CYP2U1: variants seen among roughly 807,000 people sequenced by gnomAD.
The protein encoded by CYP2U1 is cytochrome P450 family 2 subfamily U member 1.
CYP2U1 carries 28 observed loss-of-function variants against 42.8 expected under a neutral mutation model. The observed-to-expected ratio is 0.65, with a 90% CI of 0.48 to 0.90. CYP2U1 has a LOEUF of 0.90. Ranked by LOEUF, CYP2U1 falls within the 40% of genes least tolerant of loss-of-function variation. CYP2U1 has a pLI of 0.00. For synonymous variants in CYP2U1, 296 were observed against 278.9 expected, an observed-to-expected ratio of 1.06 and a Z score of -0.61; for missense variants, 642 against 693.8, an observed-to-expected ratio of 0.93 and a Z score of 0.84.
At chr4:107,943,157 C>T (rs560021718) in intron 1 of CYP2U1, among the ~76,000 whole-genome samples, 1 of 152,306 alleles carries the variant, frequency 6.6e-6, no homozygotes, top group South Asian at 2.1e-4. Context: ...AGATACGTTT[C>T]AGCCTTCTGA....
At chr4:107,948,784 T>C (rs917888140) in intron 3 of CYP2U1, among the ~76,000 whole-genome samples, 2 of 152,168 alleles carry the variant, frequency 1.3e-5, no homozygotes, top group African/African-American at 4.8e-5. Flanking sequence ...AAGACAGTTA[T>C]AGCATGCCGT....
In CYP2U1 at chr4:107,945,536, G is replaced by C; in HGVS notation, c.1057G>C (p.Gly353Arg). Residue 353 changes from glycine to arginine, a missense_variant, in exon 2 of 5, where the codon GGG (glycine) becomes CGG (arginine). By Grantham distance (125) the Gly-to-Arg change is moderately radical (BLOSUM62 -2). Coordinates refer to ENST00000332884, the MANE Select transcript of CYP2U1 (RefSeq NM_183075.3). ...TATCATTGGGGATCTCTTTATTGCT[G>C]GGACTGATACCACAACTAACTCTTT... is the stretch of plus-strand genomic sequence containing the variant. ...FYIIGDLFIA[G>R]TDTTTNSLLW... 1 of 1,613,120 alleles carries C rather than the reference G, an allele frequency of 6.2e-7. No individual in the cohort carries two copies. The highest frequency in any genetic ancestry group is 2.2e-5 in the East Asian group (1 of 44,844).
In CYP2U1 at chr4:107,931,602, T is replaced by G. The variant is rs957835117; in HGVS notation, c.-42T>G. ...GTCAGGCAGCTGCGTGCGCGTCTCC[T>G]CCAGGCAGCAAGGGGAACCCGAGGC... On this transcript the variant is annotated 5_prime_UTR_variant, in exon 1 of 5. Transcript: ENST00000332884. 6 of 1,244,556 alleles carry G rather than the reference T, an allele frequency of 4.8e-6. No individual in the cohort carries two copies. Among genetic ancestry groups the G allele is most frequent in the East Asian group, 3.2e-5 (1 of 31,738 alleles). The allele number at this position is 1,244,556 out of a possible 1,614,324, so 77.1% of individuals were successfully genotyped here. A position where few individuals can be genotyped will look rare whatever the true frequency, so the allele number is the denominator to read the frequency against.
rs144574206 is a variant in CYP2U1 at position 107,947,323 on chromosome 4, G to A, written c.1127-53G>A. ...ATGGAAAGTATGCAGAGGAGGGCAC[G>A]TTCGACTCTGTCCCATGCTTATCTT... On this transcript the variant is annotated intron_variant, in intron 2 of 4. Transcript: ENST00000332884. 1.1e-3 allele frequency: 1,706 copies of A among 1,561,086 alleles called. 17 individuals carry two copies. The African/African-American group carries it at 0.02, about 18-fold the overall frequency.
At chr4:107,949,601 A>C in intron 4 of CYP2U1, 84 bp downstream of exon 4, 48 of 1,200,604 alleles carry the variant, frequency 4.0e-5, no homozygotes, top group South Asian at 4.7e-5. Context: ...TGTTTTAAAA[A>C]TGTTTCTTTC....
intron 1 of CYP2U1, chr4:107,941,001 G>A (rs1031386410): frequency 4.0e-5 from 6 of 151,508 alleles, no homozygotes; most frequent in African/African-American, 1.5e-4. Flanking sequence ...CCAACATAAG[G>A]GTACAGAAAA....
intron 1 of CYP2U1, among the ~76,000 whole-genome samples, 200 bp from the exon 2 acceptor site, chr4:107,944,770 A>G (rs1733620619): frequency 7.0e-6 from 1 of 142,400 alleles, no homozygotes; most frequent in African/African-American, 2.6e-5. Flanking sequence ...TGTTATTATT[A>G]GAAACACATA....
At position 107,950,477 on chromosome 4, in the gene CYP2U1, A is replaced by G. The variant is rs1733872676; in HGVS notation, c.*54A>G. 6.6e-7 allele frequency: 1 copy of G among 1,512,920 alleles called. No homozygotes were observed. The highest frequency in any genetic ancestry group is 8.8e-7 in the Non-Finnish European group (1 of 1,131,372). 93.7% of individuals were successfully genotyped at this position (1,512,920 alleles called of 1,614,324 possible). A position where few individuals can be genotyped will look rare whatever the true frequency, so the allele number is the denominator to read the frequency against. On this transcript the variant is annotated 3_prime_UTR_variant, in exon 5 of 5. Coordinates refer to ENST00000332884, the MANE Select transcript of CYP2U1 (RefSeq NM_183075.3). ...AGATATATAAATACATATCCTTCTAAGCAGATTCTTCCTACTGCAAAGGAC... is the reference window on the plus strand; with the variant it reads ...AGATATATAAATACATATCCTTCTAGGCAGATTCTTCCTACTGCAAAGGAC...
Position 107,932,099 on chromosome 4 carries a change from G to C in CYP2U1, c.456G>C (p.Arg152=), listed in dbSNP as rs1733015443. ...CCGAGGTCTTCAGCGACCGCCCGCG[G>C]GTGCCGCTCATCTCCATCGTGACCA... The part of the protein sequence containing the change: ...QQAEVFSDRP[R]VPLISIVTKE... Residue 152 remains arginine, a synonymous_variant, in exon 1 of 5, where the codon CGG becomes CGC. Transcript: ENST00000332884. 6.2e-7 allele frequency: 1 copy of C among 1,600,664 alleles called. No individual in the cohort carries two copies. The highest frequency in any genetic ancestry group is 8.5e-7 in the Non-Finnish European group (1 of 1,174,710).
Position 107,951,293 on chromosome 4 carries a change from G to A in CYP2U1, c.*870G>A, listed in dbSNP as rs1399335676. The stretch of plus-strand genomic sequence containing the variant: ...CCTTTTTACTTAAGGCCTGAATGGT[G>A]AGCATGGGGATTTTGATACTGGGAC... On this transcript the variant is annotated 3_prime_UTR_variant, in exon 5 of 5. Transcript: ENST00000332884. 6.6e-6 allele frequency: 1 copy of A among 152,154 alleles called. No homozygotes were observed. The highest frequency in any genetic ancestry group is 1.5e-5 in the Non-Finnish European group (1 of 68,034). 9.4% of individuals were successfully genotyped at this position (152,154 alleles called of 1,614,324 possible).
At chr4:107,948,873 C>A (rs752551815) in intron 3 of CYP2U1, among the ~76,000 whole-genome samples, 1 of 151,972 alleles carries the variant, frequency 6.6e-6, no homozygotes, top group Admixed American at 6.6e-5. Flanking sequence ...ATCTTTTGGG[C>A]ATTGTTTAAA....
At chr4:107,935,934 A>T (rs1016680598) in intron 1 of CYP2U1, 3 of 152,216 alleles carry the variant, frequency 2.0e-5, no homozygotes, top group Non-Finnish European at 4.4e-5. Context: ...TTTTGAAAGA[A>T]CTTTGCTGCT....
chr4:107,950,589 T>G lies in CYP2U1; in HGVS notation c.*166T>G. The G allele has an allele frequency of 1.6e-6, 1 of 615,408 alleles. No homozygotes were observed. The highest frequency in any genetic ancestry group is 3.3e-5 in the South Asian group (1 of 30,486). The allele number at this position is 615,408 out of a possible 1,614,324, so 38.1% of individuals were successfully genotyped here. On this transcript the variant is annotated 3_prime_UTR_variant, in exon 5 of 5. Coordinates refer to ENST00000332884, the MANE Select transcript of CYP2U1 (RefSeq NM_183075.3). ...CACTGGGAGGTTTCATCTTGGAGGA[T>G]TCCTCAGCAGGATACTTCAGCCATT...
At chr4:107,932,266 A>G in intron 1 of CYP2U1, 133 bp downstream of exon 1, 3 of 1,400,552 alleles carry the variant, frequency 2.1e-6, no homozygotes, top group Non-Finnish European at 2.8e-6. Flanking sequence ...TCCTGAACTA[A>G]CAGGTGATGG....
intron 2 of CYP2U1, 132 bp downstream of exon 2, chr4:107,945,737 T>C (rs1469303298): frequency 7.6e-6 from 9 of 1,184,474 alleles, no homozygotes; most frequent in Admixed American, 5.0e-5. Flanking sequence ...TTGCAACTCA[T>C]AGGGAGTTGG....
At chr4:107,933,463 A>G (rs1002888381) in intron 1 of CYP2U1, among the ~76,000 whole-genome samples, 1 of 152,228 alleles carries the variant, frequency 6.6e-6, no homozygotes, top group Non-Finnish European at 1.5e-5. Flanking sequence ...ATGAGGTGTG[A>G]ACTGTGACAT....
intron 3 of CYP2U1, among the ~76,000 whole-genome samples, chr4:107,949,018 A>G (rs1467058208): frequency 1.3e-5 from 2 of 152,154 alleles, no homozygotes; most frequent in Admixed American, 6.5e-5. Flanking sequence ...CATATTGGGA[A>G]TTTTAATTTT....
In CYP2U1 at chr4:107,951,347, T is replaced by C. The variant is rs142508007; in HGVS notation, c.*924T>C. On this transcript the variant is annotated 3_prime_UTR_variant, in exon 5 of 5. Coordinates refer to ENST00000332884, the MANE Select transcript of CYP2U1 (RefSeq NM_183075.3). ...TCAGGAAAGGATTCTGCTTTCAAAC[T>C]ATACTGAACATTCCTGTCCTAGCGT... The C allele has an allele frequency of 6.6e-6, 1 of 152,318 alleles. No individual in the cohort carries two copies. The highest frequency in any genetic ancestry group is 6.5e-5 in the Admixed American group (1 of 15,296). 9.4% of individuals were successfully genotyped at this position (152,318 alleles called of 1,614,324 possible). A position where few individuals can be genotyped will look rare whatever the true frequency, so the allele number is the denominator to read the frequency against.
At position 107,931,889 on chromosome 4, in the gene CYP2U1, G is replaced by A; in HGVS notation, c.246G>A (p.Arg82=). 7.1e-6 allele frequency: 11 copies of A among 1,548,992 alleles called. No homozygotes were observed. Among genetic ancestry groups the A allele is most frequent in the Non-Finnish European group, 9.6e-6 (11 of 1,145,764 alleles). Residue 82 remains arginine, a synonymous_variant, in exon 1 of 5, where the codon CGG becomes CGA. Coordinates refer to ENST00000332884, the MANE Select transcript of CYP2U1 (RefSeq NM_183075.3). ...ACGTGCTGCTGCCTCCCTTCCTCCGGCGGCGGAGCTGGCTGAGCAGCAGGA... is the reference window on the plus strand; with the variant it reads ...ACGTGCTGCTGCCTCCCTTCCTCCGACGGCGGAGCTGGCTGAGCAGCAGGA... ...FGHVLLPPFL[R]RRSWLSSRTR...
Sources: allele counts gnomAD v4.1 joint callset (sites outside exome capture counted in the v4.1 genomes callset), GRCh38; gene constraint gnomAD v4.1.1; transcripts MANE v1.5; gene names NCBI Gene and HGNC (gene_info 2026-07-23, HGNC 2026-07-21).